Variants in DDX11 observed in about 807,000 individuals in gnomAD.
The protein encoded by DDX11 is ATP-dependent DNA helicase DDX11.
In DDX11, 72 loss-of-function variants were observed where a neutral mutation model predicts 125.2. The ratio of observed to expected loss-of-function variants is 0.58; its 90% CI spans 0.48 to 0.70. The LOEUF (loss-of-function observed/expected upper bound fraction) is 0.70. Among genes scored for constraint, DDX11 ranks in the 30% least tolerant of loss-of-function variants. The probability of loss-of-function intolerance (pLI) is 0.00; values close to 1 mark genes in which losing one functional copy is unlikely to be tolerated. For missense variants in DDX11, 883 were observed against 1,165.0 expected (o/e 0.76, Z 3.52); for synonymous variants, 347 against 452.6 (o/e 0.77, Z 2.96).
rs200477442 is a variant in DDX11, at chr12:31,102,231, T to A, written c.2203-12T>A. On this transcript the variant is annotated splice_polypyrimidine_tract_variant and intron_variant, in intron 21 of 26. Coordinates refer to ENST00000542838, the MANE Select transcript of DDX11 (RefSeq NM_030653.4). ...GAACCTGTCTCTGGGAAATGTCCTC[T>A]GTCTTTCTCAGATATTCCAGGAACC... 2.5e-6 allele frequency: 4 copies of A among 1,613,018 alleles called. No individual in the cohort carries two copies. In the Admixed American group the frequency reaches 5.0e-5, roughly 20 times the overall value.
intron 18 of DDX11, among the ~76,000 whole-genome samples, chr12:31,099,937 C>A (rs901974340): frequency 1.2e-4 from 18 of 152,164 alleles, no homozygotes; most frequent in Non-Finnish European, 1.8e-4. Context: ...TTTTCCCTTT[C>A]CTGTTTTATT....
chr12:31,104,342 C>T lies in DDX11; in HGVS notation c.*506C>T, dbSNP rs886623796. On this transcript the variant is annotated 3_prime_UTR_variant, in exon 27 of 27. Transcript: ENST00000542838. ...CTGCCCAGGGGCTTGTCACCTTCCC[C>T]TCCTCCTTCCTGAGTCACTCCTTCA... The T allele has an allele frequency of 1.7e-5, 6 of 359,864 alleles. No individual in the cohort carries two copies. The highest frequency in any genetic ancestry group is 1.2e-4 in the African/African-American group (6 of 48,464). The allele number at this position is 359,864 out of a possible 1,614,324, so 22.3% of individuals were successfully genotyped here.
rs1336100412 is a variant in DDX11 at position 31,074,097 on chromosome 12, TG to T, written c.-5+8del. On this transcript the variant is annotated splice_region_variant and intron_variant, in intron 1 of 26. Transcript: ENST00000542838. Reference sequence around the variant, plus strand: ...CCGGACCCCTATTTGCAAAGGTGGGTGGCCCGTCCGGAGCGGGAAAACATTC... The same window carrying T: ...CCGGACCCCTATTTGCAAAGGTGGGTGCCCGTCCGGAGCGGGAAAACATTC... 6.6e-6 allele frequency: 1 copy of T among 152,024 alleles called. No individual in the cohort carries two copies. The highest frequency in any genetic ancestry group is 1.5e-5 in the Non-Finnish European group (1 of 68,014). 9.4% of individuals were successfully genotyped at this position (152,024 alleles called of 1,614,324 possible). A position where few individuals can be genotyped will look rare whatever the true frequency, so the allele number is the denominator to read the frequency against.
In DDX11 at chr12:31,104,047, G is replaced by T. The variant is rs753521529; in HGVS notation, c.*211G>T. On this transcript the variant is annotated 3_prime_UTR_variant, in exon 27 of 27. Transcript: ENST00000542838. ...AATCCTGAATGAACAGTGGGTCCTG[G>T]CTGTCCTTGGGGCGTTCCAGGGCAG... is the stretch of plus-strand genomic sequence containing the variant. 4 of 1,548,316 alleles carry T rather than the reference G, an allele frequency of 2.6e-6. No homozygotes were observed. In the African/African-American group the frequency reaches 5.5e-5, roughly 21 times the overall value.
intron 7 of DDX11, 46 bp downstream of exon 7, chr12:31,089,197 C>G (rs779702995): frequency 1.3e-6 from 2 of 1,550,744 alleles, no homozygotes; most frequent in Admixed American, 3.3e-5. Flanking sequence ...CTGCTCCTTT[C>G]GCCACAACTT....
intron 17 of DDX11, among the ~76,000 whole-genome samples, chr12:31,097,578 G>C (rs1372052735): frequency 4.4e-4 from 65 of 148,692 alleles, no homozygotes; most frequent in Non-Finnish European, 1.3e-4. Flanking sequence ...TACTCGGGAG[G>C]CTGAGGCAGG....
intron 2 of DDX11, among the ~76,000 whole-genome samples, chr12:31,083,416 G>A (rs573082290): frequency 2.2e-4 from 33 of 152,234 alleles, no homozygotes; most frequent in African/African-American, 6.7e-4. Context: ...CGGTCACTCT[G>A]GCTCCCTGTT....
intron 5 of DDX11, among the ~76,000 whole-genome samples, chr12:31,085,829 A>G (rs554720609): frequency 1.3e-5 from 2 of 152,136 alleles, no homozygotes; most frequent in African/African-American, 4.8e-5. Context: ...AATAGCACCT[A>G]TGTGAAGTCA....
chr12:31,092,564 G>A (rs893547048), intron 10 of DDX11, among the ~76,000 whole-genome samples: 2 of 104,346 alleles, frequency 1.9e-5, no homozygotes, highest in African/African-American at 9.2e-5. Context: ...CAACCCGGTG[G>A]AAACTTAGCA....
rs1272121844 is a variant in DDX11, at chr12:31,094,645, T to C, written c.1414+11T>C. 1 of 1,563,368 alleles carries C rather than the reference T, an allele frequency of 6.4e-7. No individual in the cohort carries two copies. Among genetic ancestry groups the C allele is most frequent in the Non-Finnish European group, 8.7e-7 (1 of 1,153,568 alleles). On this transcript the variant is annotated intron_variant, in intron 13 of 26. Transcript: ENST00000542838. ...GTCTGTCACAGACAGGTAAGAGAGT[T>C]GCCCTCAGAGGGCCCAGAGCTGATC...
chr12:31,103,956 G>A lies in DDX11; in HGVS notation c.*120G>A. The A allele has an allele frequency of 1.2e-6, 2 of 1,602,954 alleles. No individual in the cohort carries two copies. Among genetic ancestry groups the A allele is most frequent in the Admixed American group, 1.7e-5 (1 of 57,570 alleles). On this transcript the variant is annotated 3_prime_UTR_variant, in exon 27 of 27. Transcript: ENST00000542838. ...TACAAAGGTGAAACCCAGGAGGAGA[G>A]TGTGGAGTCCAGAGTGCTGCCAGGA...
rs3892690 is a variant in DDX11, at chr12:31,090,047, C to G, written c.1042C>G (p.Arg348Gly). Residue 348 changes from arginine (R) to glycine (G), a missense_variant, in exon 9 of 27, where the codon CGG becomes GGG. This residue lies in a region of DDX11 where 72 missense variants were observed against 159.7 expected (regional missense o/e 0.45). Coordinates refer to ENST00000542838, the MANE Select transcript of DDX11 (RefSeq NM_030653.4). ...EQLLALGKEA[R>G]ACPYYGSRLA... ...GCTGCTGGCCCTTGGGAAGGAGGCC[C>G]GGGCCTGTCCCTATTACGGGAGCCG... 11 of 1,489,732 alleles carry G rather than the reference C, an allele frequency of 7.4e-6. No individual in the cohort carries two copies. The East Asian group carries it at 2.7e-4, about 36-fold the overall frequency. The allele number at this position is 1,489,732 out of a possible 1,614,324, so 92.3% of individuals were successfully genotyped here. A position where few individuals can be genotyped will look rare whatever the true frequency, so the allele number is the denominator to read the frequency against.
rs1316571769 is a variant in DDX11 at position 31,090,107 on chromosome 12, C to T, written c.1089+13C>T. The T allele has an allele frequency of 2.6e-6, 4 of 1,548,956 alleles. No individual in the cohort carries two copies. The highest frequency in any genetic ancestry group is 3.5e-6 in the Non-Finnish European group (4 of 1,146,098). On this transcript the variant is annotated intron_variant, in intron 9 of 26. Coordinates refer to ENST00000542838, the MANE Select transcript of DDX11 (RefSeq NM_030653.4). ...CCCTGCAGCCCAGGTGAGGGCCCTGCAGGGCCAGAAAGCCGCTCTTGACTC... is the reference window on the plus strand; with the variant it reads ...CCCTGCAGCCCAGGTGAGGGCCCTGTAGGGCCAGAAAGCCGCTCTTGACTC...
At chr12:31,102,403 T>C (rs761505671) in intron 22 of DDX11, 24 bp from the exon 23 acceptor site, 2 of 1,611,204 alleles carry the variant, frequency 1.2e-6, no homozygotes, top group Non-Finnish European at 1.7e-6. Flanking sequence ...GCTCAGCAAC[T>C]CAGCGTCTGG....
chr12:31,101,918 T>C lies in DDX11; in HGVS notation c.2138T>C (p.Leu713Pro), dbSNP rs2141025247. The change falls in exon 21 of 27, where the codon CTG becomes CCG. Residue 713 changes from leucine (L) to proline (P), a missense_variant. By Grantham distance (98) the Leu-to-Pro change is moderately conservative (BLOSUM62 -3). Coordinates refer to ENST00000542838, the MANE Select transcript of DDX11 (RefSeq NM_030653.4). ...TGTTTCTTCCCCTCCTACGAGTACC[T>C]GCGCCAGGTCCATGCCCACTGGGAG... ...VVCFFPSYEY[L>P]RQVHAHWEKG... The C allele has an allele frequency of 6.2e-7, 1 of 1,613,898 alleles. No individual in the cohort carries two copies. The highest frequency in any genetic ancestry group is 8.5e-7 in the Non-Finnish European group (1 of 1,179,842).
chr12:31,103,091 G>T, intron 24 of DDX11, 71 bp downstream of exon 24: 2 of 1,549,860 alleles, frequency 1.3e-6, no homozygotes, highest in Non-Finnish European at 1.8e-6. Flanking sequence ...CACCCCCAGG[G>T]CTGATACAGC....
intron 14 of DDX11, 62 bp from the exon 15 acceptor site, chr12:31,096,273 GTTTTGT>G: frequency 6.8e-7 from 1 of 1,469,464 alleles, no homozygotes; most frequent in Non-Finnish European, 9.4e-7. Flanking sequence ...GGTGTTTTTT[GTTTTGT>G]TTTTAAGATT....
At chr12:31,095,886 C>T (rs1159059326) in intron 14 of DDX11, among the ~76,000 whole-genome samples, 4 of 152,190 alleles carry the variant, frequency 2.6e-5, no homozygotes, top group Non-Finnish European at 5.9e-5. Flanking sequence ...CTCCAAACTC[C>T]TCATCTCTGC....
In DDX11 at chr12:31,104,082, T is replaced by A; in HGVS notation, c.*246T>A. On this transcript the variant is annotated 3_prime_UTR_variant, in exon 27 of 27. Coordinates refer to ENST00000542838, the MANE Select transcript of DDX11 (RefSeq NM_030653.4). Reference sequence around the variant, plus strand: ...GGGCGTTCCAGGGCAGCTCCCCTCCTGGAATAGAATCTTTCTTTCCATCCT... The same window carrying A: ...GGGCGTTCCAGGGCAGCTCCCCTCCAGGAATAGAATCTTTCTTTCCATCCT... The A allele has an allele frequency of 6.6e-7, 1 of 1,521,460 alleles. No homozygotes were observed. Among genetic ancestry groups the A allele is most frequent in the Non-Finnish European group, 8.8e-7 (1 of 1,133,046 alleles). The allele number at this position is 1,521,460 out of a possible 1,614,324, so 94.2% of individuals were successfully genotyped here.
Sources: gnomAD v4.1 joint callset for allele counts (sites outside exome capture counted in the v4.1 genomes callset) on GRCh38, gnomAD v4.1.1 for gene constraint, gnomAD v4.1.1 regional missense constraint, MANE v1.5 for transcripts, NCBI Gene and HGNC (gene_info 2026-07-23, HGNC 2026-07-21) for gene names.